RFPL2: variants seen among roughly 807,000 people sequenced by gnomAD.
The protein encoded by RFPL2 is ret finger protein-like 2.
A neutral mutation model predicts 17.8 loss-of-function variants in RFPL2; 13 were observed. The ratio of observed to expected loss-of-function variants is 0.73; its 90% CI spans 0.47 to 1.16. RFPL2 has a LOEUF of 1.16. RFPL2 is among the 50% of genes most tolerant of loss of function. The pLI is 0.00. For missense variants in RFPL2, 431 were observed against 479.3 expected (o/e 0.90, Z 0.94); for synonymous variants, 189 against 180.9 (o/e 1.04, Z -0.36).
At chr22:32,197,639 C>A (rs149394275) in intron 2 of RFPL2, among the ~76,000 whole-genome samples, 3,739 of 152,190 alleles carry the variant, frequency 0.025, 130 homozygotes, top group African/African-American at 0.078. Flanking sequence ...ATCCCACCTA[C>A]GAGTGAGAAC....
chr22:32,193,751 T>C (rs1922988018), intron 3 of RFPL2, among the ~76,000 whole-genome samples: 1 of 150,350 alleles, frequency 6.7e-6, no homozygotes, highest in African/African-American at 2.5e-5. Flanking sequence ...TAATCCCAGA[T>C]ACTTGGGAGG....
At chr22:32,203,143 G>C in intron 1 of RFPL2, 4 of 950,266 alleles carry the variant, frequency 4.2e-6, no homozygotes, top group Non-Finnish European at 5.0e-6. Flanking sequence ...TAACTCATCC[G>C]TGCCTAGTAC....
chr22:32,190,501 A>G lies in RFPL2; in HGVS notation c.*271T>C, dbSNP rs561740513. On this transcript the variant is annotated 3_prime_UTR_variant, in exon 5 of 5. Transcript: ENST00000652607. ...TACATTAATTTGAACTTGCAGAAAT[A>G]AAAAAGTAAAGCATTTGGAAATTGA... is the stretch of plus-strand genomic sequence containing the variant. 4 of 321,830 alleles carry G rather than the reference A, an allele frequency of 1.2e-5. No homozygotes were observed. The highest frequency in any genetic ancestry group is 4.7e-5 in the Admixed American group (1 of 21,172). 19.9% of individuals were successfully genotyped at this position (321,830 alleles called of 1,614,324 possible).
In RFPL2 at chr22:32,194,468, C is replaced by T; in HGVS notation, c.142G>A (p.Glu48Lys). 6.2e-7 allele frequency: 1 copy of T among 1,611,644 alleles called. No homozygotes were observed. The highest frequency in any genetic ancestry group is 8.5e-7 in the Non-Finnish European group (1 of 1,179,292). ...SLSLIRLEGV[E>K]GRDPVGGGNL... Reference sequence around the variant, plus strand: ...CCACCTCCCACTGGGTCACGCCCTTCCACACCCTCTAACCTGATGAGGCTT... The same window carrying T: ...CCACCTCCCACTGGGTCACGCCCTTTCACACCCTCTAACCTGATGAGGCTT... Residue 48 changes from glutamate (E) to lysine (K), a missense_variant, in exon 3 of 5, where the codon GAA (glutamate) becomes AAA (lysine). Physicochemically the swap from Glu to Lys is moderately conservative, Grantham distance 56. Transcript: ENST00000652607.
rs772896452 is a variant in RFPL2, at chr22:32,193,104, G to A, written c.354C>T (p.Cys118=). The change falls in exon 4 of 5, where the codon TGC becomes TGT. Residue 118 remains cysteine, a synonymous_variant. Coordinates refer to ENST00000652607, the MANE Select transcript of RFPL2 (RefSeq NM_001394555.1). Reference sequence around the variant, plus strand: ...AATTAATGCACTTGAGGCAGACGGCGCATCCACACTCCAGGGACATTGGTT... The same window carrying A: ...AATTAATGCACTTGAGGCAGACGGCACATCCACACTCCAGGGACATTGGTT... ...LEKPMSLECG[C]AVCLKCINSL... 24 of 1,613,804 alleles carry A rather than the reference G, an allele frequency of 1.5e-5. No homozygotes were observed. The highest frequency in any genetic ancestry group is 8.3e-5 in the Admixed American group (5 of 59,996).
At chr22:32,201,509 G>C (rs368428871) in intron 2 of RFPL2, among the ~76,000 whole-genome samples, 1 of 152,236 alleles carries the variant, frequency 6.6e-6, no homozygotes, top group African/African-American at 2.4e-5. Flanking sequence ...ACCTGTGTCT[G>C]TAAGTGCACC....
chr22:32,195,593 T>C (rs961230934), intron 2 of RFPL2, among the ~76,000 whole-genome samples: 2 of 151,850 alleles, frequency 1.3e-5, no homozygotes, highest in African/African-American at 4.8e-5. Context: ...GTAGCTGGGA[T>C]TACAGGCATG....
intron 2 of RFPL2, among the ~76,000 whole-genome samples, chr22:32,196,274 T>G (rs927478668): frequency 8.5e-5 from 13 of 152,254 alleles, no homozygotes; most frequent in African/African-American, 3.1e-4. Flanking sequence ...ACAGCTTTGT[T>G]TTCAAATTTC....
Position 32,192,950 on chromosome 22 carries a change from T to C in RFPL2, c.508A>G (p.Lys170Glu), listed in dbSNP as rs1158011005. The C allele has an allele frequency of 1.2e-6, 2 of 1,614,152 alleles. No homozygotes were observed. The highest frequency in any genetic ancestry group is 1.7e-6 in the Non-Finnish European group (2 of 1,180,012). ...TTCATCTGCAGAATCTTCTTCAGCT[T>C]GGGCTCCAGTTCCTTGATGTGGGAA... is the stretch of plus-strand genomic sequence containing the variant. ...LASHIKELEP[K>E]LKKILQMNPR... is the part of the protein sequence containing the mutation. Residue 170 changes from lysine (K) to glutamate (E), a missense_variant, in exon 4 of 5, where the codon AAG becomes GAG. By Grantham distance (56) the Lys-to-Glu change is moderately conservative. Transcript: ENST00000652607.
intron 1 of RFPL2, chr22:32,202,942 G>A: frequency 1.0e-6 from 1 of 986,990 alleles, no homozygotes; most frequent in Non-Finnish European, 1.2e-6. Context: ...AGAGCAATAG[G>A]AGGCGGGTCC....
chr22:32,190,779 G>C lies in RFPL2; in HGVS notation c.1130C>G (p.Ala377Gly), dbSNP rs771392174. The part of the protein sequence containing the change: ...TTDAPVRPGE[A>G]K ...TTTTTTTGGAGTGAGGGCTTATTTG[G>C]CCTCCCCAGGACGGACTGGAGCATC... The change falls in exon 5 of 5, where the codon GCC becomes GGC. Residue 377 changes from alanine to glycine, a missense_variant. Coordinates refer to ENST00000652607, the MANE Select transcript of RFPL2 (RefSeq NM_001394555.1). 6.7e-7 allele frequency: 1 copy of C among 1,501,038 alleles called. No individual in the cohort carries two copies. Among genetic ancestry groups the C allele is most frequent in the Non-Finnish European group, 8.9e-7 (1 of 1,125,032 alleles). The allele number at this position is 1,501,038 out of a possible 1,614,324, so 93.0% of individuals were successfully genotyped here.
At position 32,202,487 on chromosome 22, in the gene RFPL2, C is replaced by T. The variant is rs1323105891; in HGVS notation, c.-36G>A. ...TCATGGTGCCACAGGCTCTAGCCTC[C>T]AGCCCGTGGCATGTAGCTCCTTCTC... On this transcript the variant is annotated 5_prime_UTR_variant, in exon 2 of 5. Transcript: ENST00000652607. The T allele has an allele frequency of 1.9e-6, 3 of 1,559,032 alleles. No individual in the cohort carries two copies. In the South Asian group the frequency reaches 3.6e-5, roughly 18 times the overall value.
intron 3 of RFPL2, chr22:32,193,524 C>T (rs1374439900): frequency 1.2e-5 from 16 of 1,367,338 alleles, no homozygotes; most frequent in South Asian, 5.1e-5. Flanking sequence ...TTCACCTCCT[C>T]CTAGGGGAAC....
At chr22:32,197,623 G>A (rs1488583222) in intron 2 of RFPL2, among the ~76,000 whole-genome samples, 1 of 152,010 alleles carries the variant, frequency 6.6e-6, no homozygotes, top group African/African-American at 2.4e-5. Flanking sequence ...TGTTCTCATT[G>A]TTCAAATCCC....
At chr22:32,203,908 A>G (rs1924249613) in intron 1 of RFPL2, among the ~76,000 whole-genome samples, 1 of 137,060 alleles carries the variant, frequency 7.3e-6, no homozygotes, top group South Asian at 2.5e-4. Context: ...TGCTCCTTAC[A>G]CGCCCCCCAC....
intron 3 of RFPL2, chr22:32,193,518 C>T (rs1922949205): frequency 3.6e-6 from 5 of 1,383,778 alleles, no homozygotes; most frequent in Non-Finnish European, 4.7e-6. Context: ...GGTCATTTCA[C>T]CTCCTCCTAG....
chr22:32,191,515 C>T (rs1922652921), intron 4 of RFPL2, among the ~76,000 whole-genome samples, 163 bp from the exon 5 acceptor site: 1 of 152,196 alleles, frequency 6.6e-6, no homozygotes, highest in South Asian at 2.1e-4. Flanking sequence ...AGTTCAAATT[C>T]TCATAGGTAT....
intron 4 of RFPL2, among the ~76,000 whole-genome samples, chr22:32,192,064 A>G (rs890225516): frequency 2.0e-5 from 3 of 152,206 alleles, no homozygotes; most frequent in African/African-American, 4.8e-5. Flanking sequence ...ATGGACATGG[A>G]TAAGGAAGGA....
Position 32,202,365 on chromosome 22 carries a change from G to T in RFPL2, c.87C>A (p.Asp29Glu), listed in dbSNP as rs1924016909. 8.7e-6 allele frequency: 14 copies of T among 1,605,038 alleles called. No individual in the cohort carries two copies. The highest frequency in any genetic ancestry group is 1.2e-5 in the Non-Finnish European group (14 of 1,175,900). Residue 29 changes from aspartate (D) to glutamate (E), a missense_variant, in exon 2 of 5, where the codon GAC (aspartate) becomes GAA (glutamate). Coordinates refer to ENST00000652607, the MANE Select transcript of RFPL2 (RefSeq NM_001394555.1). ...TCCTTATCACCATCATGTCTGCAAA[G>T]TCCCAGTGGCCACACAATACAGCAC... ...CLCAVLCGHWDFADMMVIRSL... is the reference protein window; with the variant it reads ...CLCAVLCGHWEFADMMVIRSL...
Sources: gnomAD v4.1 joint callset for allele counts (sites outside exome capture counted in the v4.1 genomes callset) on GRCh38, gnomAD v4.1.1 for gene constraint, MANE v1.5 for transcripts, NCBI Gene and HGNC (gene_info 2026-07-23, HGNC 2026-07-21) for gene names.